WT1: variants seen among roughly 807,000 people sequenced by gnomAD.
WT1 encodes the protein Wilms tumor protein.
In WT1, 8 loss-of-function variants were observed where a neutral mutation model predicts 60.8. That is an observed-to-expected ratio of 0.13 (90% CI 0.08 to 0.24). The LOEUF (loss-of-function observed/expected upper bound fraction) is 0.24, where lower values mean the gene tolerates loss of function less well. WT1 is among the 10% of genes least tolerant of loss of function. The pLI is 1.00. For synonymous variants in WT1, 312 were observed against 297.1 expected (o/e 1.05, Z -0.52); for missense variants, 568 against 711.8 (o/e 0.80, Z 2.30).
chr11:32,418,162 C>G (rs1852738133), intron 3 of WT1, among the ~76,000 whole-genome samples: 1 of 148,216 alleles, frequency 6.7e-6, no homozygotes. Context: ...ATGTGACAAG[C>G]AGAAGAAAGA....
At chr11:32,392,151 C>A in intron 8 of WT1, 87 bp from the exon 9 acceptor site, 1 of 1,157,902 alleles carries the variant, frequency 8.6e-7, no homozygotes, top group Non-Finnish European at 1.3e-6. Flanking sequence ...GCTGGAGGAG[C>A]CCAGCATTTC....
At position 32,435,045 on chromosome 11, in the gene WT1, G is replaced by T. The variant is rs762044578; in HGVS notation, c.316C>A (p.Gln106Lys). 6.8e-7 allele frequency: 1 copy of T among 1,463,984 alleles called. No homozygotes were observed. The highest frequency in any genetic ancestry group is 1.4e-5 in the South Asian group (1 of 74,034). The allele number at this position is 1,463,984 out of a possible 1,614,324, so 90.7% of individuals were successfully genotyped here. Residue 106 changes from glutamine (Q) to lysine (K), a missense_variant, in exon 1 of 10, where the codon CAG (glutamine) becomes AAG (lysine). Gln to Lys is a moderately conservative substitution (Grantham distance 53). Transcript: ENST00000452863. ...GCAAAGTCCAGCACCGGCGCCCACT[G>T]CGCCGCGCCGCTCACAGGCAGGGCA...
intron 7 of WT1, 38 bp downstream of exon 7, chr11:32,396,219 A>T: frequency 6.2e-7 from 1 of 1,613,876 alleles, no homozygotes; most frequent in Non-Finnish European, 8.5e-7. Flanking sequence ...GAGCTCTTGA[A>T]CCATGTTTGC....
At chr11:32,430,614 C>T (rs2133086596) in intron 1 of WT1, 2 of 1,558,024 alleles carry the variant, frequency 1.3e-6, no homozygotes, top group Non-Finnish European at 1.7e-6. Context: ...CTGTCCGTGC[C>T]CGGCGAGGGC....
chr11:32,400,176 C>T (rs1852110588), intron 5 of WT1, 132 bp from the exon 6 acceptor site: 2 of 1,069,010 alleles, frequency 1.9e-6, no homozygotes, highest in African/African-American at 1.6e-5. Flanking sequence ...TTGCCTCCCT[C>T]CATGGGGCCA....
At chr11:32,429,043 C>T (rs1004004722) in intron 1 of WT1, 6 of 303,318 alleles carry the variant, frequency 2.0e-5, no homozygotes, top group Non-Finnish European at 3.3e-5. Flanking sequence ...GGGCTAACCC[C>T]GCGTTGACTC....
intron 5 of WT1, among the ~76,000 whole-genome samples, chr11:32,408,375 T>G (rs532101006): frequency 1.3e-5 from 2 of 149,624 alleles, no homozygotes; most frequent in South Asian, 4.2e-4. Context: ...ATTAGCCGGG[T>G]GTCGTGGCGG....
chr11:32,430,796 A>G, intron 1 of WT1: 2 of 1,317,544 alleles, frequency 1.5e-6, no homozygotes, highest in Non-Finnish European at 9.7e-7. Context: ...TCCCCCCGGG[A>G]GGGGCAGTGG....
intron 5 of WT1, among the ~76,000 whole-genome samples, chr11:32,414,115 A>G (rs1481015911): frequency 1.3e-5 from 2 of 152,246 alleles, no homozygotes; most frequent in Non-Finnish European, 2.9e-5. Flanking sequence ...TATGTTCTAC[A>G]GTGTGAGAGA....
At chr11:32,391,464 G>A (rs979000003) in intron 9 of WT1, among the ~76,000 whole-genome samples, 4 of 152,186 alleles carry the variant, frequency 2.6e-5, no homozygotes, top group African/African-American at 9.7e-5. Context: ...TCTCCTCTCT[G>A]TACTAGTATG....
intron 3 of WT1, among the ~76,000 whole-genome samples, chr11:32,420,794 C>T (rs972765160): frequency 6.6e-6 from 1 of 152,138 alleles, no homozygotes; most frequent in Non-Finnish European, 1.5e-5. Flanking sequence ...TGCAAGATGC[C>T]CCATGTGTCC....
At chr11:32,427,866 CT>C in intron 3 of WT1, 89 bp downstream of exon 3, 1 of 1,299,664 alleles carries the variant, frequency 7.7e-7, no homozygotes, top group Non-Finnish European at 1.1e-6. Flanking sequence ...GCAGTCAGGG[CT>C]GCCCGGCTGG....
At chr11:32,424,309 T>A (rs756082112) in intron 3 of WT1, among the ~76,000 whole-genome samples, 5 of 152,166 alleles carry the variant, frequency 3.3e-5, no homozygotes, top group Non-Finnish European at 7.3e-5. Flanking sequence ...TGATTCTGAT[T>A]CTCACTTGCT....
chr11:32,390,059 C>G (rs1442296766), intron 9 of WT1, among the ~76,000 whole-genome samples: 1 of 152,176 alleles, frequency 6.6e-6, no homozygotes, highest in Non-Finnish European at 1.5e-5. Flanking sequence ...GAGGGCAGAT[C>G]CAGGCAGAAC....
At chr11:32,409,711 G>T (rs1017148982) in intron 5 of WT1, among the ~76,000 whole-genome samples, 1 of 151,912 alleles carries the variant, frequency 6.6e-6, no homozygotes, top group Non-Finnish European at 1.5e-5. Flanking sequence ...TTTCCAAAGT[G>T]CTGAGATTAC....
At position 32,433,056 on chromosome 11, in the gene WT1, T is replaced by A. The variant is rs148759208; in HGVS notation, c.661+1644A>T. ...GTAGCGCTTCTGCATCTATGGAGTATAACTTCAAGCCGGACCCAATCTCCA... is the reference window on the plus strand; with the variant it reads ...GTAGCGCTTCTGCATCTATGGAGTAAAACTTCAAGCCGGACCCAATCTCCA... On this transcript the variant is annotated intron_variant, in intron 1 of 9. Coordinates refer to ENST00000452863, the MANE Select transcript of WT1 (RefSeq NM_024426.6). Among the ~76,000 whole-genome samples, 115 of 152,236 alleles carry A rather than the reference T, an allele frequency of 7.6e-4. No homozygotes were observed. The East Asian group carries it at 0.017, about 23-fold the overall frequency.
chr11:32,430,799 G>C, intron 1 of WT1: 1 of 1,311,832 alleles, frequency 7.6e-7, no homozygotes, highest in East Asian at 2.8e-5. Context: ...CCCCGGGAGG[G>C]GCAGTGGTGA....
At chr11:32,390,036 T>C (rs1437381509) in intron 9 of WT1, among the ~76,000 whole-genome samples, 1 of 152,070 alleles carries the variant, frequency 6.6e-6, no homozygotes, top group Non-Finnish European at 1.5e-5. Flanking sequence ...ACAGATGAGG[T>C]AGGACATCTA....
At chr11:32,414,701 T>TGA (rs1284526631) in intron 5 of WT1, among the ~76,000 whole-genome samples, 59 of 152,192 alleles carry the variant, frequency 3.9e-4, no homozygotes. Context: ...GGCGAAAACC[T>TGA]GTCTCTACCA....
Sources: gnomAD v4.1 joint callset for allele counts (sites outside exome capture counted in the v4.1 genomes callset) on GRCh38, gnomAD v4.1.1 for gene constraint, MANE v1.5 for transcripts, NCBI Gene and HGNC (gene_info 2026-07-23, HGNC 2026-07-21) for gene names.